The following L3MBTL4 variants were observed in gnomAD, a reference collection of about 807,000 sequenced individuals.
The protein encoded by L3MBTL4 is lethal(3)malignant brain tumor-like protein 4.
Under a neutral mutation model 84.5 loss-of-function variants are expected in L3MBTL4, and 70 were observed. That is an observed-to-expected ratio of 0.83 (90% CI 0.68 to 1.01). The LOEUF is 1.01. L3MBTL4 is among the 50% of genes least tolerant of loss of function. The pLI, the probability that L3MBTL4 is intolerant of heterozygous loss-of-function variation, is 0.00. For missense variants in L3MBTL4, 715 were observed against 754.8 expected (o/e 0.95, Z 0.62); for synonymous variants, 274 against 259.8 (o/e 1.05, Z -0.52).
chr18:6,350,970 T>A (rs1245773931), intron 1 of L3MBTL4, among the ~76,000 whole-genome samples: 1 of 152,164 alleles, frequency 6.6e-6, no homozygotes, highest in Non-Finnish European at 1.5e-5. Flanking sequence ...AGCGGACAGA[T>A]CACCTGAGGT....
intron 18 of L3MBTL4, among the ~76,000 whole-genome samples, chr18:5,957,001 G>A (rs995601751): frequency 1.3e-5 from 2 of 152,158 alleles, no homozygotes; most frequent in African/African-American, 4.8e-5. Flanking sequence ...ATGCATGGCT[G>A]CATGTATACA....
At position 6,009,963 on chromosome 18, in the gene L3MBTL4, C is replaced by T. The variant is rs545612377; in HGVS notation, c.1445-40401G>A. Among the ~76,000 whole-genome samples the T allele has an allele frequency of 2.6e-5, 4 of 152,264 alleles. No individual in the cohort carries two copies. In the South Asian group the frequency reaches 8.3e-4, roughly 32 times the overall value. On this transcript the variant is annotated intron_variant, in intron 16 of 18. Coordinates refer to ENST00000317931, the MANE Select transcript of L3MBTL4 (RefSeq NM_001330559.2). ...AGCTATGCACTTAAGAATCATATTT[C>T]ATTAGTTCCTTAGTCATCTTATCTA...
intron 16 of L3MBTL4, among the ~76,000 whole-genome samples, chr18:6,047,233 T>C (rs2056661251): frequency 6.6e-6 from 1 of 151,868 alleles, no homozygotes; most frequent in African/African-American, 2.4e-5. Flanking sequence ...CAACATCTAG[T>C]CCCAAAATTG....
intron 10 of L3MBTL4, among the ~76,000 whole-genome samples, chr18:6,225,786 T>G (rs1160306084): frequency 8.6e-5 from 13 of 150,926 alleles, no homozygotes; most frequent in East Asian, 7.8e-4. Flanking sequence ...TACAGTAGAC[T>G]TCTACTCAGA....
chr18:6,242,711 G>A (rs892118489), intron 7 of L3MBTL4, among the ~76,000 whole-genome samples: 1 of 152,186 alleles, frequency 6.6e-6, no homozygotes, highest in Non-Finnish European at 1.5e-5. Context: ...GCAAAGATAT[G>A]AGCCCGTCAG....
chr18:6,312,304 C>A (rs934479970), intron 1 of L3MBTL4, among the ~76,000 whole-genome samples: 2 of 152,114 alleles, frequency 1.3e-5, no homozygotes, highest in Non-Finnish European at 1.5e-5. Context: ...CTTTTAATAG[C>A]CCTAAATCAT....
At chr18:6,356,292 G>A (rs774744527) in intron 1 of L3MBTL4, among the ~76,000 whole-genome samples, 2 of 152,242 alleles carry the variant, frequency 1.3e-5, no homozygotes, top group Admixed American at 6.5e-5. Context: ...GCCAAACCTC[G>A]AAGAGGAGAT....
At chr18:6,246,632 C>T (rs1353849790) in intron 5 of L3MBTL4, among the ~76,000 whole-genome samples, 3 of 152,054 alleles carry the variant, frequency 2.0e-5, no homozygotes, top group East Asian at 1.9e-4. Context: ...GGGCTGGGCA[C>T]GTGGCTCATG....
At chr18:6,347,715 A>G (rs149741968) in intron 1 of L3MBTL4, among the ~76,000 whole-genome samples, 1 of 152,068 alleles carries the variant, frequency 6.6e-6, no homozygotes, top group African/African-American at 2.4e-5. Flanking sequence ...AACATCATAC[A>G]TGATGGTGAA....
intron 12 of L3MBTL4, among the ~76,000 whole-genome samples, chr18:6,194,101 G>C (rs2045262586): frequency 2.0e-5 from 3 of 152,004 alleles, no homozygotes; most frequent in African/African-American, 7.2e-5. Context: ...TTCCTCATTG[G>C]AAAAACAAAA....
intron 1 of L3MBTL4, among the ~76,000 whole-genome samples, chr18:6,390,444 T>C (rs56052636): frequency 0.01 from 1,566 of 151,496 alleles, 25 homozygotes; most frequent in African/African-American, 0.035. Context: ...CAAACTAAAC[T>C]CAAAGCTAGC....
At chr18:6,071,724 AGAAGGAAAGAAAGAAG>A (rs1568066139) in intron 16 of L3MBTL4, among the ~76,000 whole-genome samples, 9 of 109,958 alleles carry the variant, frequency 8.2e-5, no homozygotes, top group African/African-American at 3.1e-4. Flanking sequence ...AAGGAAAGAA[AGAAGGAAAGAAAGAAG>A]GAAGGAAAGA....
At chr18:6,259,633 G>A (rs1488015542) in intron 5 of L3MBTL4, 2 of 151,100 alleles carry the variant, frequency 1.3e-5, no homozygotes, top group African/African-American at 2.4e-5. Context: ...TTTTTAATGG[G>A]TTAATTGGTT....
At chr18:6,057,904 GA>G (rs2057081957) in intron 16 of L3MBTL4, among the ~76,000 whole-genome samples, 1 of 152,152 alleles carries the variant, frequency 6.6e-6, no homozygotes, top group East Asian at 1.9e-4. Flanking sequence ...ATATGGTATT[GA>G]AATATTTTAT....
chr18:6,061,764 ATC>A, intron 16 of L3MBTL4, among the ~76,000 whole-genome samples: 1 of 151,570 alleles, frequency 6.6e-6, no homozygotes, highest in Non-Finnish European at 1.5e-5. Context: ...CTTCTCTCTT[ATC>A]ATATCAATTA....
intron 16 of L3MBTL4, among the ~76,000 whole-genome samples, chr18:5,976,336 T>A (rs369233250): frequency 1.3e-5 from 2 of 152,252 alleles, no homozygotes; most frequent in East Asian, 1.9e-4. Flanking sequence ...TTCTTCTGAT[T>A]ACGTTAAATA....
intron 4 of L3MBTL4, among the ~76,000 whole-genome samples, chr18:6,271,478 C>G (rs1040797303): frequency 1.3e-5 from 2 of 152,110 alleles, no homozygotes; most frequent in Admixed American, 1.3e-4. Context: ...AAAATAGTCC[C>G]GAAGCTGCCG....
At chr18:6,183,696 G>A (rs1392076251) in intron 12 of L3MBTL4, among the ~76,000 whole-genome samples, 1 of 152,222 alleles carries the variant, frequency 6.6e-6, no homozygotes, top group African/African-American at 2.4e-5. Context: ...TGGTTATACA[G>A]AGAGAGGATA....
At chr18:6,305,338 G>T (rs2050534588) in intron 3 of L3MBTL4, among the ~76,000 whole-genome samples, 1 of 152,124 alleles carries the variant, frequency 6.6e-6, no homozygotes, top group South Asian at 2.1e-4. Flanking sequence ...TTTCTCATCT[G>T]TTAAAATAAA....
Sources: gnomAD v4.1 joint callset for allele counts (sites outside exome capture counted in the v4.1 genomes callset) on GRCh38, gnomAD v4.1.1 for gene constraint, MANE v1.5 for transcripts, NCBI Gene and HGNC (gene_info 2026-07-23, HGNC 2026-07-21) for gene names.